OSTN: variants seen among roughly 807,000 people sequenced by gnomAD.
OSTN encodes osteocrin.
A neutral mutation model predicts 12.0 loss-of-function variants in OSTN; 9 were observed. The observed-to-expected ratio is 0.75, with a 90% CI of 0.45 to 1.30. OSTN has a LOEUF of 1.30. Among genes scored for constraint, OSTN ranks in the 50% most tolerant of loss-of-function variants. OSTN has a pLI of 0.00. For synonymous variants in OSTN, 59 were observed against 56.9 expected, an observed-to-expected ratio of 1.04 and a Z score of -0.16; for missense variants, 148 against 152.3, an observed-to-expected ratio of 0.97 and a Z score of 0.15.
chr3:191,259,201 T>C (rs1357861551), intron 4 of OSTN, among the ~76,000 whole-genome samples: 1 of 30,516 alleles, frequency 3.3e-5, no homozygotes, highest in Non-Finnish European at 1.0e-4. Flanking sequence ...AAACAATCTG[T>C]TTTTTTTTTT....
chr3:191,206,341 A>G (rs887623071), intron 1 of OSTN, among the ~76,000 whole-genome samples: 2 of 152,196 alleles, frequency 1.3e-5, no homozygotes, highest in African/African-American at 4.8e-5. Flanking sequence ...TTTTCTTAAC[A>G]TGTTCTTAAA....
chr3:191,209,935 C>G (rs751347597), intron 1 of OSTN, among the ~76,000 whole-genome samples: 1 of 152,314 alleles, frequency 6.6e-6, no homozygotes, highest in East Asian at 1.9e-4. Flanking sequence ...GGTCTTCCCT[C>G]TCTGTCAGTT....
At chr3:191,214,361 T>A (rs138385066) in intron 2 of OSTN, among the ~76,000 whole-genome samples, 2,281 of 135,298 alleles carry the variant, frequency 0.017, 42 homozygotes, top group African/African-American at 0.055. Context: ...GGCAGGAGAA[T>A]CACTTGAACC....
rs1418793906 is a variant in OSTN, at chr3:191,265,572, T to C, written c.*2719T>C. ...TACCTAAAGGCTCAAGATGCTTGAA[T>C]ATGGTTCAACTTTTCCAAAGTTAAT... On this transcript the variant is annotated 3_prime_UTR_variant, in exon 5 of 5. Transcript: ENST00000682035. 6.6e-6 allele frequency: 1 copy of C among 152,242 alleles called. No individual in the cohort carries two copies. The highest frequency in any genetic ancestry group is 1.5e-5 in the Non-Finnish European group (1 of 68,038). The allele number at this position is 152,242 out of a possible 1,614,324, so 9.4% of individuals were successfully genotyped here.
chr3:191,264,521 A>G lies in OSTN; in HGVS notation c.*1668A>G, dbSNP rs1050318760. ...TAGAGGGCTGTAGCCAAGAGAAGTG[A>G]ATTTTGGGAAATCTAACCAATTCTT... On this transcript the variant is annotated 3_prime_UTR_variant, in exon 5 of 5. Transcript: ENST00000682035. 1 of 152,114 alleles carries G rather than the reference A, an allele frequency of 6.6e-6. No homozygotes were observed. The highest frequency in any genetic ancestry group is 1.5e-5 in the Non-Finnish European group (1 of 67,966). 9.4% of individuals were successfully genotyped at this position (152,114 alleles called of 1,614,324 possible).
chr3:191,236,546 C>T (rs1179146659), intron 3 of OSTN, among the ~76,000 whole-genome samples: 2 of 149,598 alleles, frequency 1.3e-5, no homozygotes, highest in South Asian at 2.1e-4. Context: ...AAGATAATAA[C>T]GCAAAAAAAA....
chr3:191,228,026 CA>C (rs1374819194), intron 3 of OSTN, among the ~76,000 whole-genome samples: 2 of 152,188 alleles, frequency 1.3e-5, no homozygotes, highest in East Asian at 3.9e-4. Context: ...CTTTATTTCA[CA>C]ATGCAAACTC....
rs535876314 is a variant in OSTN at position 191,248,912 on chromosome 3, G to T, written c.318-1125G>T. Among the ~76,000 whole-genome samples, 8 of 152,254 alleles carry T rather than the reference G, an allele frequency of 5.3e-5. No individual in the cohort carries two copies. The South Asian group carries it at 1.0e-3, about 20-fold the overall frequency. ...TGCAGTAAGCCATGATCACACCATCGTACTCCAGCAGAAATCCTTACATTT... is the reference window on the plus strand; with the variant it reads ...TGCAGTAAGCCATGATCACACCATCTTACTCCAGCAGAAATCCTTACATTT... On this transcript the variant is annotated intron_variant, in intron 3 of 4. Coordinates refer to ENST00000682035, the MANE Select transcript of OSTN (RefSeq NM_198184.2).
At chr3:191,218,117 T>C (rs895663690) in intron 2 of OSTN, among the ~76,000 whole-genome samples, 4 of 152,094 alleles carry the variant, frequency 2.6e-5, no homozygotes, top group Non-Finnish European at 4.4e-5. Flanking sequence ...ATGAAAGAGG[T>C]ATATAGATAA....
intron 4 of OSTN, among the ~76,000 whole-genome samples, chr3:191,259,285 C>T (rs1387370143): frequency 6.6e-6 from 1 of 151,908 alleles, no homozygotes; most frequent in African/African-American, 2.4e-5. Context: ...ACCTCCGCCT[C>T]CCAGATCCAA....
intron 3 of OSTN, among the ~76,000 whole-genome samples, chr3:191,230,562 CAAA>C (rs35542147): frequency 2.7e-5 from 1 of 36,446 alleles, no homozygotes; most frequent in Non-Finnish European, 5.7e-5. Context: ...GACTCCGTCT[CAAA>C]AAAAAAAAAA....
intron 4 of OSTN, among the ~76,000 whole-genome samples, chr3:191,259,401 C>T (rs1009840043): frequency 3.9e-5 from 6 of 151,944 alleles, no homozygotes; most frequent in African/African-American, 7.2e-5. Flanking sequence ...CAGGGTTTCA[C>T]CATATTGACC....
intron 3 of OSTN, among the ~76,000 whole-genome samples, chr3:191,232,331 TAAAAAAAAAAAA>T (rs61313474): frequency 4.0e-4 from 27 of 67,488 alleles, no homozygotes; most frequent in African/African-American, 2.1e-3. Flanking sequence ...AGACTCTGTC[TAAAAAAAAAAAA>T]AAAAAAAAAA....
chr3:191,218,274 A>G (rs1054183460), intron 2 of OSTN, among the ~76,000 whole-genome samples: 7 of 151,944 alleles, frequency 4.6e-5, no homozygotes, highest in African/African-American at 1.7e-4. Context: ...ATACCCCTCT[A>G]CTATGTGTTT....
intron 3 of OSTN, among the ~76,000 whole-genome samples, chr3:191,249,749 C>T (rs1046323858): frequency 2.0e-5 from 3 of 152,234 alleles, no homozygotes; most frequent in Admixed American, 6.5e-5. Context: ...TTGGCAGATT[C>T]GTATGCTGAT....
At chr3:191,221,226 C>T (rs1714755073) in intron 3 of OSTN, among the ~76,000 whole-genome samples, 1 of 152,208 alleles carries the variant, frequency 6.6e-6, no homozygotes, top group Non-Finnish European at 1.5e-5. Context: ...AATTAAACCG[C>T]TTTCCTTTAT....
intron 4 of OSTN, among the ~76,000 whole-genome samples, chr3:191,260,794 C>A (rs1715791339): frequency 6.6e-6 from 1 of 152,058 alleles, no homozygotes; most frequent in Non-Finnish European, 1.5e-5. Flanking sequence ...CAAGAGGGAA[C>A]TTTATTTGGT....
chr3:191,231,101 A>AT (rs1361271901), intron 3 of OSTN, among the ~76,000 whole-genome samples: 1 of 152,106 alleles, frequency 6.6e-6, no homozygotes, highest in Non-Finnish European at 1.5e-5. Flanking sequence ...TTTTGGCAGC[A>AT]TTTTTTTAAA....
intron 1 of OSTN, among the ~76,000 whole-genome samples, chr3:191,208,237 G>A (rs1714329020): frequency 6.6e-6 from 1 of 152,134 alleles, no homozygotes; most frequent in African/African-American, 2.4e-5. Context: ...TATACATGGT[G>A]CCTAAGAGAT....
Sources: allele counts gnomAD v4.1 joint callset (sites outside exome capture counted in the v4.1 genomes callset), GRCh38; gene constraint gnomAD v4.1.1; transcripts MANE v1.5; gene names NCBI Gene and HGNC (gene_info 2026-07-23, HGNC 2026-07-21).